Variants in NLK observed in about 807,000 individuals in gnomAD.
The protein encoded by NLK is serine/threonine-protein kinase NLK.
A neutral mutation model predicts 59.0 loss-of-function variants in NLK; 11 were observed. The ratio of observed to expected loss-of-function variants is 0.19; its 90% CI spans 0.12 to 0.31. NLK has a LOEUF of 0.31. NLK is among the 10% of genes least tolerant of loss of function. The pLI is 1.00. For missense variants in NLK, 410 were observed against 661.1 expected (o/e 0.62, Z 4.16); for synonymous variants, 235 against 235.9 (o/e 1.00, Z 0.03).
chr17:28,086,487 A>G (rs1910520129), intron 1 of NLK, among the ~76,000 whole-genome samples: 1 of 151,938 alleles, frequency 6.6e-6, no homozygotes, highest in Admixed American at 6.6e-5. Context: ...TTTGCCTAAG[A>G]TTAAGAGCTG....
At chr17:28,160,611 C>T (rs1907968253) in intron 3 of NLK, among the ~76,000 whole-genome samples, 1 of 152,086 alleles carries the variant, frequency 6.6e-6, no homozygotes, top group Non-Finnish European at 1.5e-5. Context: ...AGGGGTGTTT[C>T]ATAAATATAT....
intron 7 of NLK, among the ~76,000 whole-genome samples, 182 bp downstream of exon 7, chr17:28,172,800 T>G (rs1163169054): frequency 6.6e-6 from 1 of 152,184 alleles, no homozygotes; most frequent in Non-Finnish European, 1.5e-5. Context: ...ATCTCATTCC[T>G]AATGCCGTAG....
chr17:28,163,484 AATT>A (rs1424967394), intron 4 of NLK, 56 bp from the exon 5 acceptor site: 23 of 996,210 alleles, frequency 2.3e-5, no homozygotes, highest in Non-Finnish European at 3.4e-5. Context: ...GTTTTTTTTA[AATT>A]ATTGGTTGAG....
chr17:28,169,990 A>T (rs1908398963), intron 6 of NLK, among the ~76,000 whole-genome samples: 1 of 152,202 alleles, frequency 6.6e-6, no homozygotes, highest in Non-Finnish European at 1.5e-5. Flanking sequence ...AAATGTAGCC[A>T]GGTTAGGGAC....
chr17:28,181,831 C>T (rs905220245), intron 7 of NLK, among the ~76,000 whole-genome samples: 1 of 151,968 alleles, frequency 6.6e-6, no homozygotes, highest in Non-Finnish European at 1.5e-5. Flanking sequence ...GGCAATGTCA[C>T]GAAACCGTGT....
intron 1 of NLK, among the ~76,000 whole-genome samples, chr17:28,049,144 G>A (rs1909162333): frequency 1.3e-5 from 2 of 152,236 alleles, no homozygotes; most frequent in Non-Finnish European, 2.9e-5. Context: ...GTCAGTAGTT[G>A]TAAGGTACCT....
At chr17:28,055,966 C>A (rs566924778) in intron 1 of NLK, among the ~76,000 whole-genome samples, 2 of 152,074 alleles carry the variant, frequency 1.3e-5, no homozygotes, top group African/African-American at 4.8e-5. Context: ...GTTTTTCACC[C>A]TCCTCCTTAT....
chr17:28,092,662 G>GTT (rs1904537296), intron 1 of NLK, among the ~76,000 whole-genome samples: 2 of 152,088 alleles, frequency 1.3e-5, no homozygotes, highest in African/African-American at 4.8e-5. Flanking sequence ...CACCTATAGC[G>GTT]TAACAAGTTC....
At chr17:28,095,804 C>G (rs1463606656) in intron 1 of NLK, among the ~76,000 whole-genome samples, 1 of 152,202 alleles carries the variant, frequency 6.6e-6, no homozygotes, top group Non-Finnish European at 1.5e-5. Flanking sequence ...AACAGTACAA[C>G]CAGATGGCAT....
At chr17:28,082,364 G>A (rs958859171) in intron 1 of NLK, among the ~76,000 whole-genome samples, 10 of 152,204 alleles carry the variant, frequency 6.6e-5, no homozygotes, top group African/African-American at 1.7e-4. Context: ...GGAAAAGGGA[G>A]GGATGTGTGT....
In NLK at chr17:28,179,406, A is replaced by G. The variant is rs1908807982; in HGVS notation, c.1150-5773A>G. 4.0e-5 allele frequency among the ~76,000 whole-genome samples: 6 copies of G among 151,244 alleles called. 1 individual carries two copies. In the South Asian group the frequency reaches 1.2e-3, roughly 31 times the overall value. ...CACCCTGCCTAGCCTTTTTTATTTT[A>G]TTTTATTTTTATTTTATTTTATTTT... On this transcript the variant is annotated intron_variant, in intron 7 of 10. Transcript: ENST00000407008.
intron 1 of NLK, among the ~76,000 whole-genome samples, chr17:28,104,913 C>T (rs1008394961): frequency 1.3e-5 from 2 of 152,134 alleles, no homozygotes; most frequent in East Asian, 3.8e-4. Context: ...GTTCTAAATC[C>T]ATTTTATGGT....
intron 7 of NLK, among the ~76,000 whole-genome samples, chr17:28,173,072 A>C (rs899210027): frequency 2.0e-5 from 3 of 152,228 alleles, no homozygotes; most frequent in African/African-American, 7.2e-5. Context: ...TTGTTAGAAA[A>C]GAAGTATGAA....
At chr17:28,067,127 T>A (rs1909853820) in intron 1 of NLK, among the ~76,000 whole-genome samples, 1 of 152,190 alleles carries the variant, frequency 6.6e-6, no homozygotes, top group Non-Finnish European at 1.5e-5. Flanking sequence ...CACTTTTTCT[T>A]TTCAGATCAT....
At chr17:28,107,074 G>A (rs573132541) in intron 1 of NLK, among the ~76,000 whole-genome samples, 1 of 152,256 alleles carries the variant, frequency 6.6e-6, no homozygotes, top group Admixed American at 6.5e-5. Context: ...GTTGCAATAG[G>A]AAGCACAAGA....
At chr17:28,101,703 G>A (rs1324564357) in intron 1 of NLK, among the ~76,000 whole-genome samples, 3 of 152,078 alleles carry the variant, frequency 2.0e-5, no homozygotes, top group African/African-American at 7.2e-5. Context: ...AGGATTTACT[G>A]CATGTATGAT....
At chr17:28,197,140 C>A (rs897197468), downstream of NLK, among the ~76,000 whole-genome samples, 13 of 152,070 alleles carry the variant, frequency 8.5e-5, no homozygotes, top group African/African-American at 2.9e-4. Context: ...TTATCACTTA[C>A]AAGAGAGCAT....
intron 10 of NLK, 49 bp downstream of exon 10, chr17:28,192,262 C>A: frequency 1.1e-6 from 1 of 945,604 alleles, no homozygotes; most frequent in Non-Finnish European, 1.7e-6. Flanking sequence ...TAAAAGGATG[C>A]CAGTGTTACT....
chr17:28,081,364 A>AT (rs1352264768), intron 1 of NLK, among the ~76,000 whole-genome samples: 1 of 152,084 alleles, frequency 6.6e-6, no homozygotes, highest in Non-Finnish European at 1.5e-5. Flanking sequence ...TAAAAAAAAA[A>AT]AATTTAATTT....
Sources: allele counts gnomAD v4.1 joint callset (sites outside exome capture counted in the v4.1 genomes callset), GRCh38; gene constraint gnomAD v4.1.1; transcripts MANE v1.5; gene names NCBI Gene and HGNC (gene_info 2026-07-23, HGNC 2026-07-21).